Variants in M6PR observed in about 807,000 individuals in gnomAD.
M6PR encodes the protein mannose-6-phosphate receptor, cation dependent.
Under a neutral mutation model 33.1 loss-of-function variants are expected in M6PR, and 19 were observed. The ratio of observed to expected loss-of-function variants is 0.57; its 90% CI spans 0.40 to 0.84. The LOEUF is 0.84. Among genes scored for constraint, M6PR ranks in the 40% least tolerant of loss-of-function variants. The pLI is 0.00. For missense variants in M6PR, 295 were observed against 336.0 expected (o/e 0.88, Z 0.95); for synonymous variants, 111 against 123.4 (o/e 0.90, Z 0.67).
intron 4 of M6PR, 83 bp downstream of exon 4, chr12:8,943,718 G>A (rs1367245751): frequency 5.1e-6 from 7 of 1,360,300 alleles, no homozygotes; most frequent in African/African-American, 4.3e-5. Flanking sequence ...CCAACGTATC[G>A]TGTCCCCTCT....
Position 8,946,350 on chromosome 12 carries a change from C to T in M6PR, c.55G>A (p.Val19Met). The T allele has an allele frequency of 6.2e-7, 1 of 1,614,122 alleles. No individual in the cohort carries two copies. The highest frequency in any genetic ancestry group is 2.2e-5 in the East Asian group (1 of 44,878). ...GTCTGCCAGGATTCTCTCACTGCCA[C>T]AGCCAGGAGTAGTAGTAGCAGTCCA... is the stretch of plus-strand genomic sequence containing the variant. ...RTGLLLLLLA[V>M]AVRESWQTEE... Residue 19 changes from valine (V) to methionine (M), a missense_variant, in exon 2 of 7, where the codon GTG becomes ATG. By Grantham distance (21) the Val-to-Met change is conservative. Transcript: ENST00000000412.
rs1946015806 is a variant in M6PR at position 8,941,913 on chromosome 12, T to C, written c.739A>G (p.Lys247Glu). 1 of 1,614,032 alleles carries C rather than the reference T, an allele frequency of 6.2e-7. No individual in the cohort carries two copies. Among genetic ancestry groups the C allele is most frequent in the Non-Finnish European group, 8.5e-7 (1 of 1,180,030 alleles). ...TATGCTGCAGGCACATTTCGAGGTT[T>C]AGAACGGCAGACAAAGTCACAGCCA... ...ADGCDFVCRS[K>E]PRNVPAAYRG... The change falls in exon 7 of 7, where the codon AAA becomes GAA. Residue 247 changes from lysine to glutamate, a missense_variant. Lys to Glu is a moderately conservative substitution (Grantham distance 56). Coordinates refer to ENST00000000412, the MANE Select transcript of M6PR (RefSeq NM_002355.4).
chr12:8,940,667 A>G lies in M6PR; in HGVS notation c.*1151T>C, dbSNP rs1945985966. On this transcript the variant is annotated 3_prime_UTR_variant, in exon 7 of 7. Coordinates refer to ENST00000000412, the MANE Select transcript of M6PR (RefSeq NM_002355.4). The stretch of plus-strand genomic sequence containing the variant: ...TTCAGTGGCCCAGGGGTTCACTATT[A>G]AAGAAAGATCAGTCCAGGTTTCTGG... 1.5e-5 allele frequency: 1 copy of G among 67,320 alleles called. No individual in the cohort carries two copies. Among genetic ancestry groups the G allele is most frequent in the African/African-American group, 7.4e-5 (1 of 13,508 alleles). 4.2% of individuals were successfully genotyped at this position (67,320 alleles called of 1,614,324 possible).
At chr12:8,947,625 A>G (rs185714028) in intron 1 of M6PR, among the ~76,000 whole-genome samples, 8 of 152,354 alleles carry the variant, frequency 5.3e-5, no homozygotes, top group African/African-American at 1.9e-4. Flanking sequence ...AGCACTTAAC[A>G]TATATTAATT....
rs750787377 is a variant in M6PR at position 8,942,400 on chromosome 12, C to G, written c.711+16G>C. The G allele has an allele frequency of 2.7e-5, 43 of 1,614,158 alleles. 1 individual carries two copies. In the East Asian group the frequency reaches 9.1e-4, roughly 34 times the overall value. On this transcript the variant is annotated intron_variant, in intron 6 of 6. Coordinates refer to ENST00000000412, the MANE Select transcript of M6PR (RefSeq NM_002355.4). The stretch of plus-strand genomic sequence containing the variant: ...GTTTGCAGGCTACAAATTCAACCAG[C>G]TGCCCTGTTACTTACTGCTACCAGG...
rs771713265 is a variant in M6PR, at chr12:8,943,784, A to G, written c.453+17T>C. The G allele has an allele frequency of 1.2e-6, 2 of 1,606,324 alleles. No individual in the cohort carries two copies. Among genetic ancestry groups the G allele is most frequent in the South Asian group, 1.1e-5 (1 of 90,872 alleles). ...TTCAGTCTCCTCCCTCGGCTTATAC[A>G]ACACAGGGTGCCTCACCGCTAGGGT... On this transcript the variant is annotated intron_variant, in intron 4 of 6. Coordinates refer to ENST00000000412, the MANE Select transcript of M6PR (RefSeq NM_002355.4).
chr12:8,947,359 CT>C (rs1427931013), intron 1 of M6PR, among the ~76,000 whole-genome samples: 2 of 152,138 alleles, frequency 1.3e-5, no homozygotes, highest in African/African-American at 4.8e-5. Flanking sequence ...CGTGAATGCA[CT>C]TTCCCCATTC....
chr12:8,941,919 G>T lies in M6PR; in HGVS notation c.733C>A (p.Arg245Ser). Reference protein sequence around the residue: ...LVADGCDFVCRSKPRNVPAAY... With the variant: ...LVADGCDFVCSSKPRNVPAAY... ...GCAGGCACATTTCGAGGTTTAGAAC[G>T]GCAGACAAAGTCACAGCCATCCTGT... Residue 245 changes from arginine (R) to serine (S), a missense_variant, in exon 7 of 7, where the codon CGT (arginine) becomes AGT (serine). Coordinates refer to ENST00000000412, the MANE Select transcript of M6PR (RefSeq NM_002355.4). The T allele has an allele frequency of 6.2e-7, 1 of 1,614,032 alleles. No homozygotes were observed. The highest frequency in any genetic ancestry group is 8.5e-7 in the Non-Finnish European group (1 of 1,179,992).
At chr12:8,945,670 AAAAC>A (rs1435892862) in intron 2 of M6PR, 86 bp from the exon 3 acceptor site, 7 of 1,066,000 alleles carry the variant, frequency 6.6e-6, no homozygotes, top group African/African-American at 1.6e-5. Flanking sequence ...TAATTAAAAC[AAAAC>A]AAACAACATG....
chr12:8,943,737 T>C, intron 4 of M6PR, 64 bp downstream of exon 4: 1 of 1,459,818 alleles, frequency 6.9e-7, no homozygotes, highest in Non-Finnish European at 9.6e-7. Flanking sequence ...CTGGATATTC[T>C]CCCCAACCTC....
At position 8,942,554 on chromosome 12, in the gene M6PR, G is replaced by C; in HGVS notation, c.585-12C>G. ...CCAGTGATGCAAACCTGTAGAGAGA[G>C]AAAGACATCTATACTTAAGAACTGG... On this transcript the variant is annotated splice_polypyrimidine_tract_variant and intron_variant, in intron 5 of 6. Coordinates refer to ENST00000000412, the MANE Select transcript of M6PR (RefSeq NM_002355.4). 1 of 1,613,444 alleles carries C rather than the reference G, an allele frequency of 6.2e-7. No homozygotes were observed. The highest frequency in any genetic ancestry group is 8.5e-7 in the Non-Finnish European group (1 of 1,179,572).
At position 8,941,645 on chromosome 12, in the gene M6PR, G is replaced by T. The variant is rs140430754; in HGVS notation, c.*173C>A. ...CTCTAGAGAAAAAACAGAAAATAAG[G>T]AACAAAGGGAAGGCAGTTTTACTAG... On this transcript the variant is annotated 3_prime_UTR_variant, in exon 7 of 7. Coordinates refer to ENST00000000412, the MANE Select transcript of M6PR (RefSeq NM_002355.4). 1.7e-5 allele frequency: 12 copies of T among 716,072 alleles called. No individual in the cohort carries two copies. The East Asian group carries it at 3.1e-4, about 19-fold the overall frequency. 44.4% of individuals were successfully genotyped at this position (716,072 alleles called of 1,614,324 possible).
At chr12:8,942,113 G>T in intron 6 of M6PR, 173 bp from the exon 7 acceptor site, 3 of 801,316 alleles carry the variant, frequency 3.7e-6, no homozygotes, top group Non-Finnish European at 5.8e-6. Context: ...AGGAGAAAAA[G>T]TTTCTTCTTA....
In M6PR at chr12:8,945,518, A is replaced by G. The variant is rs1453226571; in HGVS notation, c.243T>C (p.Ala81=). 6 of 1,614,116 alleles carry G rather than the reference A, an allele frequency of 3.7e-6. No individual in the cohort carries two copies. The highest frequency in any genetic ancestry group is 1.7e-5 in the Admixed American group (1 of 60,012). ...YIYIFRVCRE[A]GNHTSGAGLV... ...GGCCTGCCCCAGAAGTGTGGTTGCC[A>G]GCTTCCCGGCACACCCTGAAGATGT... The change falls in exon 3 of 7, where the codon GCT becomes GCC. Residue 81 remains alanine, a synonymous_variant. Transcript: ENST00000000412.
rs970548278 is a variant in M6PR at position 8,941,880 on chromosome 12, C to T, written c.772G>A (p.Val258Met). 1.4e-5 allele frequency: 23 copies of T among 1,614,132 alleles called. No individual in the cohort carries two copies. The highest frequency in any genetic ancestry group is 1.9e-5 in the Non-Finnish European group (23 of 1,180,004). Residue 258 changes from valine (V) to methionine (M), a missense_variant, in exon 7 of 7, where the codon GTG becomes ATG. By Grantham distance (21) the Val-to-Met change is conservative (BLOSUM62 1). Transcript: ENST00000000412. ...TCCTCCCCCAGCTGGTCATCCCCCA[C>T]ACCACGATATGCTGCAGGCACATTT... The part of the protein sequence containing the change: ...PRNVPAAYRG[V>M]GDDQLGEESE...
chr12:8,947,668 T>C (rs948598172), intron 1 of M6PR, among the ~76,000 whole-genome samples: 2 of 152,160 alleles, frequency 1.3e-5, no homozygotes, highest in African/African-American at 2.4e-5. Context: ...TATGAGTAAA[T>C]ACAATTATTG....
chr12:8,945,109 G>C, intron 3 of M6PR: 1 of 232,826 alleles, frequency 4.3e-6, no homozygotes, highest in Non-Finnish European at 8.5e-6. Flanking sequence ...AGTGAGCCGA[G>C]ATTGTGCCAC....
At chr12:8,941,966 A>G in intron 6 of M6PR, 26 bp from the exon 7 acceptor site, 4 of 1,613,490 alleles carry the variant, frequency 2.5e-6, no homozygotes, top group Non-Finnish European at 3.4e-6. Flanking sequence ...AAAGAAGGAA[A>G]TAATTCGCAG....
Position 8,946,253 on chromosome 12 carries a change from C to G in M6PR, c.152G>C (p.Arg51Thr). The change falls in exon 2 of 7, where the codon AGG becomes ACG. Residue 51 changes from arginine (R) to threonine (T), a missense_variant. Transcript: ENST00000000412. ...CCTTTTATTAAACAGTGGTTTCAGCCTCTTCACTAGAGCCAACTCTTTCTC... is the reference window on the plus strand; with the variant it reads ...CCTTTTATTAAACAGTGGTTTCAGCGTCTTCACTAGAGCCAACTCTTTCTC... ...ESEKELALVK[R>T]LKPLFNKSFE... 6.2e-7 allele frequency: 1 copy of G among 1,614,114 alleles called. No individual in the cohort carries two copies. Among genetic ancestry groups the G allele is most frequent in the Non-Finnish European group, 8.5e-7 (1 of 1,180,014 alleles).
Sources: allele counts gnomAD v4.1 joint callset (sites outside exome capture counted in the v4.1 genomes callset), GRCh38; gene constraint gnomAD v4.1.1; transcripts MANE v1.5; gene names NCBI Gene and HGNC (gene_info 2026-07-23, HGNC 2026-07-21).